The following FBXL17 variants were observed in gnomAD, a reference collection of about 807,000 sequenced individuals.
The protein encoded by FBXL17 is F-box and leucine rich repeat protein 17.
Under a neutral mutation model 66.2 loss-of-function variants are expected in FBXL17, and 22 were observed. That is an observed-to-expected ratio of 0.33 (90% CI 0.24 to 0.47). The LOEUF (loss-of-function observed/expected upper bound fraction) is 0.47, where lower values mean the gene tolerates loss of function less well. Among genes scored for constraint, FBXL17 ranks in the 20% least tolerant of loss-of-function variants. The probability of loss-of-function intolerance (pLI) is 1.00; values close to 1 mark genes in which losing one functional copy is unlikely to be tolerated. For missense variants in FBXL17, 878 were observed against 948.2 expected, an observed-to-expected ratio of 0.93 and a Z score of 0.97; for synonymous variants, 474 against 400.5, an observed-to-expected ratio of 1.18 and a Z score of -2.19.
chr5:107,931,193 G>C (rs1359095015), intron 7 of FBXL17, among the ~76,000 whole-genome samples: 1 of 151,892 alleles, frequency 6.6e-6, no homozygotes, highest in African/African-American at 2.4e-5. Flanking sequence ...TGTTGCTTTT[G>C]CTAGGAAACA....
intron 7 of FBXL17, among the ~76,000 whole-genome samples, chr5:107,990,605 G>A (rs937647997): frequency 2.0e-5 from 3 of 152,144 alleles, no homozygotes; most frequent in African/African-American, 7.2e-5. Flanking sequence ...TAGCAGAAGA[G>A]CTGTGATACT....
At chr5:108,350,627 A>G (rs1747582804) in intron 3 of FBXL17, among the ~76,000 whole-genome samples, 1 of 152,246 alleles carries the variant, frequency 6.6e-6, no homozygotes, top group African/African-American at 2.4e-5. Flanking sequence ...GATTAGGATG[A>G]AAATGCATCA....
intron 8 of FBXL17, among the ~76,000 whole-genome samples, chr5:107,877,505 C>T (rs1748649754): frequency 6.6e-6 from 1 of 152,174 alleles, no homozygotes; most frequent in Admixed American, 6.5e-5. Context: ...AAAAAAGCAT[C>T]AGTTTGGTAA....
chr5:108,039,173 G>A (rs1384518493), intron 6 of FBXL17, among the ~76,000 whole-genome samples: 2 of 151,950 alleles, frequency 1.3e-5, no homozygotes, highest in African/African-American at 2.4e-5. Context: ...CCCTTGTTGA[G>A]TGCAAAGATT....
intron 5 of FBXL17, among the ~76,000 whole-genome samples, chr5:108,187,397 G>C (rs931904175): frequency 2.0e-5 from 3 of 152,190 alleles, no homozygotes; most frequent in Non-Finnish European, 4.4e-5. Context: ...GGATTTTGCA[G>C]ATGTGATTAA....
At chr5:108,256,131 T>G (rs1756567664) in intron 4 of FBXL17, among the ~76,000 whole-genome samples, 1 of 152,188 alleles carries the variant, frequency 6.6e-6, no homozygotes, top group African/African-American at 2.4e-5. Flanking sequence ...TCCATTTCGG[T>G]TATTTGCATA....
At chr5:108,027,981 A>C (rs1252136471) in intron 6 of FBXL17, among the ~76,000 whole-genome samples, 1 of 152,270 alleles carries the variant, frequency 6.6e-6, no homozygotes, top group East Asian at 1.9e-4. Context: ...ATTTTGATAT[A>C]GTTAAGACTG....
chr5:108,377,798 T>G (rs1228441681), intron 1 of FBXL17, among the ~76,000 whole-genome samples: 1 of 152,228 alleles, frequency 6.6e-6, no homozygotes, highest in Non-Finnish European at 1.5e-5. Context: ...AAATAAAAAC[T>G]TAGATGGCCT....
At chr5:108,086,018 T>C (rs561901802) in intron 6 of FBXL17, among the ~76,000 whole-genome samples, 1 of 152,324 alleles carries the variant, frequency 6.6e-6, no homozygotes, top group South Asian at 2.1e-4. Context: ...TGCCCCTTTT[T>C]TCTGCCCCTA....
chr5:108,004,410 ATTTCT>A (rs1753849904), intron 7 of FBXL17, among the ~76,000 whole-genome samples: 1 of 152,214 alleles, frequency 6.6e-6, no homozygotes, highest in Non-Finnish European at 1.5e-5. Flanking sequence ...TAATAAAAAT[ATTTCT>A]AAAATCATTA....
At chr5:108,092,009 C>G (rs1320578739) in intron 6 of FBXL17, among the ~76,000 whole-genome samples, 1 of 152,270 alleles carries the variant, frequency 6.6e-6, no homozygotes, top group Non-Finnish European at 1.5e-5. Context: ...AACACAATAT[C>G]TTTCCTCTGT....
chr5:108,212,396 T>C (rs1754413696), intron 5 of FBXL17, among the ~76,000 whole-genome samples: 1 of 152,212 alleles, frequency 6.6e-6, no homozygotes, highest in South Asian at 2.1e-4. Context: ...TGTGATCCTT[T>C]GGAGGAGAAG....
In FBXL17 at chr5:108,184,912, T is replaced by C. The variant is rs74650025; in HGVS notation, c.1745+1205A>G. 8.0e-4 allele frequency among the ~76,000 whole-genome samples: 122 copies of C among 152,280 alleles called. 2 individuals carry two copies. In the East Asian group the frequency reaches 0.02, roughly 25 times the overall value. On this transcript the variant is annotated intron_variant, in intron 6 of 8. Transcript: ENST00000542267. ...AAAGGAAAATATTTTTGGAAACTTA[T>C]CTTTTAAAACAAAATTCTTGGAAAC...
Position 108,381,485 on chromosome 5 carries a change from G to C in FBXL17, c.207C>G (p.Gly69=). The C allele has an allele frequency of 7.4e-7, 1 of 1,350,114 alleles. No individual in the cohort carries two copies. Among genetic ancestry groups the C allele is most frequent in the Non-Finnish European group, 9.4e-7 (1 of 1,059,022 alleles). 83.6% of individuals were successfully genotyped at this position (1,350,114 alleles called of 1,614,324 possible). The change falls in exon 1 of 9, where the codon GGC becomes GGG. Residue 69 remains glycine (G), a synonymous_variant. Coordinates refer to ENST00000542267, the MANE Select transcript of FBXL17 (RefSeq NM_001163315.3). The part of the protein sequence containing the change: ...CMLCFIVHSP[G]APAPAGPEEE... ...CCTCTGGGCCGGCGGGGGCGGGCGC[G>C]CCGGGACTGTGCACGATGAAGCAGA...
intron 7 of FBXL17, among the ~76,000 whole-genome samples, chr5:107,983,865 G>C (rs913663920): frequency 8.5e-5 from 13 of 152,076 alleles, no homozygotes; most frequent in African/African-American, 2.9e-4. Context: ...GAGGGAGGGA[G>C]ACAGGAAGAA....
chr5:108,370,253 C>T (rs1748938739), intron 1 of FBXL17, among the ~76,000 whole-genome samples: 1 of 152,040 alleles, frequency 6.6e-6, no homozygotes, highest in South Asian at 2.1e-4. Flanking sequence ...GAACTAAAGG[C>T]TATTAGTCAA....
intron 6 of FBXL17, among the ~76,000 whole-genome samples, chr5:108,103,890 T>C (rs1253566573): frequency 6.6e-6 from 1 of 152,180 alleles, no homozygotes; most frequent in African/African-American, 2.4e-5. Flanking sequence ...GTTAAACTTT[T>C]TGTTGATTTA....
intron 5 of FBXL17, among the ~76,000 whole-genome samples, chr5:108,223,326 C>G (rs1274407443): frequency 6.6e-6 from 1 of 152,132 alleles, no homozygotes; most frequent in Non-Finnish European, 1.5e-5. Flanking sequence ...GTTGCCAATA[C>G]AGCAACTTTC....
At chr5:108,024,296 T>C (rs1376040775) in intron 6 of FBXL17, among the ~76,000 whole-genome samples, 2 of 152,122 alleles carry the variant, frequency 1.3e-5, no homozygotes, top group African/African-American at 2.4e-5. Flanking sequence ...TCAAATACTT[T>C]TAAAGTAGCT....
Sources: gnomAD v4.1 joint callset for allele counts (sites outside exome capture counted in the v4.1 genomes callset) on GRCh38, gnomAD v4.1.1 for gene constraint, MANE v1.5 for transcripts, NCBI Gene and HGNC (gene_info 2026-07-23, HGNC 2026-07-21) for gene names.